MIPOL1: variants seen among roughly 807,000 people sequenced by gnomAD.
MIPOL1 encodes the protein mirror-image polydactyly gene 1 protein.
In MIPOL1, 57 loss-of-function variants were observed where a neutral mutation model predicts 60.9. The ratio of observed to expected loss-of-function variants is 0.94; its 90% CI spans 0.76 to 1.17. MIPOL1 has a LOEUF of 1.17. MIPOL1 is among the 50% of genes most tolerant of loss of function. The probability of loss-of-function intolerance (pLI) is 0.00; values close to 1 mark genes in which losing one functional copy is unlikely to be tolerated. For missense variants in MIPOL1, 551 were observed against 511.6 expected, an observed-to-expected ratio of 1.08 and a Z score of -0.74; for synonymous variants, 179 against 168.8, an observed-to-expected ratio of 1.06 and a Z score of -0.47.
chr14:37,508,599 T>G (rs1034153490), intron 12 of MIPOL1, among the ~76,000 whole-genome samples: 2 of 152,176 alleles, frequency 1.3e-5, no homozygotes, highest in Non-Finnish European at 2.9e-5. Context: ...AACCTGGATA[T>G]AAAACACTAT....
intron 7 of MIPOL1, among the ~76,000 whole-genome samples, chr14:37,293,873 A>G (rs568223090): frequency 1.3e-5 from 2 of 152,302 alleles, no homozygotes; most frequent in South Asian, 2.1e-4. Context: ...TGTAGGCTCC[A>G]CCTCTGGGGG....
chr14:37,450,555 C>G (rs2094402760), intron 11 of MIPOL1, among the ~76,000 whole-genome samples: 1 of 151,870 alleles, frequency 6.6e-6, no homozygotes, highest in Admixed American at 6.6e-5. Context: ...ATTCTGAAAT[C>G]TCATAAGGAG....
At chr14:37,252,538 G>T (rs1301499222) in intron 3 of MIPOL1, among the ~76,000 whole-genome samples, 4 of 151,772 alleles carry the variant, frequency 2.6e-5, no homozygotes, top group African/African-American at 9.7e-5. Flanking sequence ...TTAAATAAAT[G>T]AAACTTAATG....
chr14:37,541,542 A>G (rs2095529664), intron 12 of MIPOL1, among the ~76,000 whole-genome samples: 1 of 152,228 alleles, frequency 6.6e-6, no homozygotes. Context: ...CTTTAGCTAG[A>G]TCATCAATAC....
chr14:37,383,604 A>T (rs938897896), intron 10 of MIPOL1, among the ~76,000 whole-genome samples: 1 of 151,818 alleles, frequency 6.6e-6, no homozygotes, highest in Admixed American at 6.6e-5. Flanking sequence ...TACTTGTGTT[A>T]GTCATTTACT....
At chr14:37,421,812 G>A (rs2093877368) in intron 10 of MIPOL1, among the ~76,000 whole-genome samples, 2 of 151,282 alleles carry the variant, frequency 1.3e-5, no homozygotes, top group African/African-American at 4.9e-5. Flanking sequence ...CTATAATCAG[G>A]GTTTTACAAT....
At chr14:37,456,143 C>T (rs1245953530) in intron 11 of MIPOL1, among the ~76,000 whole-genome samples, 1 of 151,908 alleles carries the variant, frequency 6.6e-6, no homozygotes, top group African/African-American at 2.4e-5. Flanking sequence ...TTATCATACT[C>T]GTTGCAGGAA....
At chr14:37,198,182 G>C (rs992770968) in intron 1 of MIPOL1, 78 bp downstream of exon 1, 1 of 152,396 alleles carries the variant, frequency 6.6e-6, no homozygotes, top group African/African-American at 2.4e-5. Flanking sequence ...GTTTTCGGCC[G>C]CAGACTTTTC....
intron 6 of MIPOL1, among the ~76,000 whole-genome samples, chr14:37,280,065 C>T (rs1015897796): frequency 1.3e-4 from 20 of 152,198 alleles, no homozygotes; most frequent in African/African-American, 3.4e-4. Context: ...TGGCTTATTT[C>T]GCCTAGCATA....
At chr14:37,407,475 T>A (rs1354841548) in intron 10 of MIPOL1, among the ~76,000 whole-genome samples, 1 of 152,180 alleles carries the variant, frequency 6.6e-6, no homozygotes, top group Non-Finnish European at 1.5e-5. Flanking sequence ...ATATAATTAG[T>A]CATATTTACC....
At chr14:37,393,078 G>A (rs1200773924) in intron 10 of MIPOL1, among the ~76,000 whole-genome samples, 3 of 152,194 alleles carry the variant, frequency 2.0e-5, no homozygotes, top group East Asian at 1.9e-4. Context: ...AGGAAAAAAA[G>A]CCATGTAATG....
intron 6 of MIPOL1, chr14:37,276,666 T>C (rs2083684001): frequency 6.6e-6 from 1 of 151,184 alleles, no homozygotes; most frequent in Non-Finnish European, 1.5e-5. Flanking sequence ...ATAGTACATA[T>C]TGGAATCTAA....
intron 12 of MIPOL1, among the ~76,000 whole-genome samples, chr14:37,538,260 T>G (rs1169168273): frequency 6.6e-6 from 1 of 152,196 alleles, no homozygotes; most frequent in African/African-American, 2.4e-5. Flanking sequence ...ACAAACTGTC[T>G]CATAATAACT....
chr14:37,234,032 G>A (rs572053779), intron 1 of MIPOL1, among the ~76,000 whole-genome samples: 9 of 152,304 alleles, frequency 5.9e-5, no homozygotes, highest in African/African-American at 2.2e-4. Context: ...AGTCTTCAAA[G>A]AAATGCTTCA....
In MIPOL1 at chr14:37,288,761, A is replaced by G. The variant is rs973178097; in HGVS notation, c.623+3314A>G. Among the ~76,000 whole-genome samples the G allele has an allele frequency of 3.3e-5, 5 of 152,072 alleles. No homozygotes were observed. The South Asian group carries it at 6.2e-4, about 19-fold the overall frequency. Reference sequence around the variant, plus strand: ...CAGAGATGGAGGCTGCAGTGAACCTATGCACTCCAGCATGGGTGACAGAGC... The same window carrying G: ...CAGAGATGGAGGCTGCAGTGAACCTGTGCACTCCAGCATGGGTGACAGAGC... On this transcript the variant is annotated intron_variant, in intron 7 of 12. Transcript: ENST00000684589.
chr14:37,208,934 G>A (rs530979202), intron 1 of MIPOL1, among the ~76,000 whole-genome samples: 7 of 152,234 alleles, frequency 4.6e-5, no homozygotes, highest in African/African-American at 1.7e-4. Flanking sequence ...AAATCATAGT[G>A]CAGTGATCAA....
intron 11 of MIPOL1, among the ~76,000 whole-genome samples, chr14:37,466,666 C>T (rs563526157): frequency 6.6e-6 from 1 of 152,178 alleles, no homozygotes; most frequent in South Asian, 2.1e-4. Flanking sequence ...CTGAAGATGA[C>T]CTGAAAAAAA....
chr14:37,275,005 A>C (rs560832710), intron 6 of MIPOL1, among the ~76,000 whole-genome samples: 1 of 151,298 alleles, frequency 6.6e-6, no homozygotes, highest in Admixed American at 6.6e-5. Context: ...TCTTTTGTTA[A>C]AATAGTTTAC....
At chr14:37,378,098 G>A (rs1220208451) in intron 10 of MIPOL1, among the ~76,000 whole-genome samples, 1 of 152,094 alleles carries the variant, frequency 6.6e-6, no homozygotes, top group Non-Finnish European at 1.5e-5. Flanking sequence ...TGTTAGGAGT[G>A]TAAAATGGTA....
Sources: gnomAD v4.1 joint callset for allele counts (sites outside exome capture counted in the v4.1 genomes callset) on GRCh38, gnomAD v4.1.1 for gene constraint, MANE v1.5 for transcripts, NCBI Gene and HGNC (gene_info 2026-07-23, HGNC 2026-07-21) for gene names.